The following NOX3 variants were observed in gnomAD, a reference collection of about 807,000 sequenced individuals.
NOX3 encodes the protein NADPH oxidase 3.
NOX3 carries 74 observed loss-of-function variants against 76.7 expected under a neutral mutation model. The ratio of observed to expected loss-of-function variants is 0.96; its 90% CI spans 0.80 to 1.17. NOX3 has a LOEUF of 1.17. Ranked by LOEUF, NOX3 falls within the 50% of genes most tolerant of loss-of-function variation. The probability of loss-of-function intolerance (pLI) is 0.00; values close to 1 mark genes in which losing one functional copy is unlikely to be tolerated. For synonymous variants in NOX3, 263 were observed against 261.1 expected, an observed-to-expected ratio of 1.01 and a Z score of -0.07; for missense variants, 695 against 703.3, an observed-to-expected ratio of 0.99 and a Z score of 0.13.
At chr6:155,432,293 A>G (rs1438626131) in intron 7 of NOX3, among the ~76,000 whole-genome samples, 1 of 151,742 alleles carries the variant, frequency 6.6e-6, no homozygotes, top group African/African-American at 2.4e-5. Flanking sequence ...TTGCCTGGAG[A>G]GTCTGAGGTG....
chr6:155,408,767 C>T (rs1428514880), intron 11 of NOX3, among the ~76,000 whole-genome samples: 1 of 152,172 alleles, frequency 6.6e-6, no homozygotes, highest in African/African-American at 2.4e-5. Context: ...GAATACTATG[C>T]AGCCATAAAA....
intron 10 of NOX3, among the ~76,000 whole-genome samples, chr6:155,414,877 C>T (rs140608535): frequency 0.012 from 1,808 of 152,240 alleles, 33 homozygotes; most frequent in African/African-American, 0.04. Flanking sequence ...ATCCACCCAC[C>T]TCGGCCTCCC....
chr6:155,408,932 C>G (rs1180268024), intron 11 of NOX3, among the ~76,000 whole-genome samples: 1 of 147,684 alleles, frequency 6.8e-6, no homozygotes, highest in African/African-American at 2.5e-5. Context: ...ATGGGAATAA[C>G]AGGCACTGGG....
At chr6:155,422,539 T>G (rs566136948) in intron 10 of NOX3, among the ~76,000 whole-genome samples, 155 bp downstream of exon 10, 1 of 152,370 alleles carries the variant, frequency 6.6e-6, no homozygotes, top group South Asian at 2.1e-4. Flanking sequence ...AATGTAATAC[T>G]GAGTGGAGAT....
intron 10 of NOX3, 120 bp from the exon 11 acceptor site, chr6:155,411,480 T>TG (rs1323423539): frequency 2.1e-5 from 18 of 859,828 alleles, no homozygotes; most frequent in Admixed American, 3.2e-5. Context: ...CAAAATAACA[T>TG]GCTTTTTTTT....
chr6:155,430,708 C>A lies in NOX3; in HGVS notation c.891+135G>T, dbSNP rs781492662. 5.1e-4 allele frequency: 312 copies of A among 613,106 alleles called. 1 individual carries two copies. The highest frequency in any genetic ancestry group is 7.0e-4 in the Non-Finnish European group (243 of 347,534). 38.0% of individuals were successfully genotyped at this position (613,106 alleles called of 1,614,324 possible). ...CACTAAAAGATGCTCAGGATACAAG[C>A]AATTATTAGAACAGAAGATGAGCCT... On this transcript the variant is annotated intron_variant, in intron 8 of 13. Transcript: ENST00000159060.
rs561126057 is a variant in NOX3, at chr6:155,438,238, T to C, written c.669-1691A>G. ...AGAATCAGCAGTAGAAAGGGAGGAC[T>C]GACAGTCTCTGAGTTGGAACACACT... On this transcript the variant is annotated intron_variant, in intron 6 of 13. Coordinates refer to ENST00000159060, the MANE Select transcript of NOX3 (RefSeq NM_015718.3). 8.5e-5 allele frequency among the ~76,000 whole-genome samples: 13 copies of C among 152,256 alleles called. No homozygotes were observed. The South Asian group carries it at 2.3e-3, about 27-fold the overall frequency.
chr6:155,429,490 G>A (rs774898583), intron 8 of NOX3, among the ~76,000 whole-genome samples: 1 of 152,188 alleles, frequency 6.6e-6, no homozygotes, highest in African/African-American at 2.4e-5. Flanking sequence ...AATGTCTTGT[G>A]AATTAACCCT....
chr6:155,438,661 C>A (rs1776941431), intron 6 of NOX3, among the ~76,000 whole-genome samples: 1 of 152,154 alleles, frequency 6.6e-6, no homozygotes, highest in Non-Finnish European at 1.5e-5. Flanking sequence ...GGGCAAATCC[C>A]AAAGCGTTGT....
chr6:155,404,494 T>A (rs1776420387), intron 12 of NOX3, among the ~76,000 whole-genome samples: 1 of 152,168 alleles, frequency 6.6e-6, no homozygotes, highest in Non-Finnish European at 1.5e-5. Flanking sequence ...TGTCAGGAAG[T>A]GACACCTGGA....
In NOX3 at chr6:155,407,110, G is replaced by A; in HGVS notation, c.1580+20C>T. 1 of 1,613,398 alleles carries A rather than the reference G, an allele frequency of 6.2e-7. No homozygotes were observed. The highest frequency in any genetic ancestry group is 8.5e-7 in the Non-Finnish European group (1 of 1,179,622). Reference sequence around the variant, plus strand: ...TCCAGAGAAGAGCCTGGCAGGGAGAGGAGCAAGAGCTTGCCTTACCTGGGG... The same window carrying A: ...TCCAGAGAAGAGCCTGGCAGGGAGAAGAGCAAGAGCTTGCCTTACCTGGGG... On this transcript the variant is annotated intron_variant, in intron 12 of 13. Coordinates refer to ENST00000159060, the MANE Select transcript of NOX3 (RefSeq NM_015718.3).
intron 7 of NOX3, among the ~76,000 whole-genome samples, chr6:155,432,968 G>A (rs1776854140): frequency 6.6e-6 from 1 of 152,142 alleles, no homozygotes; most frequent in African/African-American, 2.4e-5. Flanking sequence ...ATAGAAATGA[G>A]AGCAAGAATG....
chr6:155,418,178 T>C (rs1373771783), intron 10 of NOX3, among the ~76,000 whole-genome samples: 2 of 152,142 alleles, frequency 1.3e-5, no homozygotes, highest in African/African-American at 4.8e-5. Context: ...CATACACACC[T>C]ATTTCATTCA....
At chr6:155,438,861 G>A (rs1010739953) in intron 6 of NOX3, among the ~76,000 whole-genome samples, 5 of 152,236 alleles carry the variant, frequency 3.3e-5, no homozygotes, top group Admixed American at 1.3e-4. Context: ...TCTGTGGTGC[G>A]GGAACAGAGG....
At chr6:155,438,553 A>C (rs1016553719) in intron 6 of NOX3, among the ~76,000 whole-genome samples, 4 of 152,226 alleles carry the variant, frequency 2.6e-5, no homozygotes, top group African/African-American at 2.4e-5. Context: ...AGGCAGTGGC[A>C]GCGGCAGAAC....
intron 12 of NOX3, among the ~76,000 whole-genome samples, chr6:155,404,493 G>C (rs1464907098): frequency 1.3e-5 from 2 of 152,196 alleles, no homozygotes; most frequent in Non-Finnish European, 2.9e-5. Context: ...GTGTCAGGAA[G>C]TGACACCTGG....
intron 7 of NOX3, among the ~76,000 whole-genome samples, chr6:155,432,927 GA>G (rs1776853744): frequency 6.6e-6 from 1 of 152,172 alleles, no homozygotes; most frequent in Non-Finnish European, 1.5e-5. Context: ...GAATGAACCA[GA>G]AAGCTTTTTG....
chr6:155,413,730 C>T (rs565344704), intron 10 of NOX3, among the ~76,000 whole-genome samples: 114 of 152,298 alleles, frequency 7.5e-4, no homozygotes, highest in Non-Finnish European at 1.5e-3. Flanking sequence ...ATGACCCCCT[C>T]CTCCCTGGCC....
At chr6:155,421,402 T>C (rs1776687144) in intron 10 of NOX3, among the ~76,000 whole-genome samples, 1 of 152,224 alleles carries the variant, frequency 6.6e-6, no homozygotes, top group African/African-American at 2.4e-5. Context: ...AGTTAACTGC[T>C]GTTTCTTAGT....
Sources: allele counts gnomAD v4.1 joint callset (sites outside exome capture counted in the v4.1 genomes callset), GRCh38; gene constraint gnomAD v4.1.1; transcripts MANE v1.5; gene names NCBI Gene and HGNC (gene_info 2026-07-23, HGNC 2026-07-21).